Variants in GALNT2 observed in about 807,000 individuals in gnomAD.
GALNT2 encodes polypeptide N-acetylgalactosaminyltransferase 2, also known as UDP-GalNAc:polypeptide N-acetylgalactosaminyltransferase 2.
Under a neutral mutation model 81.4 loss-of-function variants are expected in GALNT2, and 31 were observed. That is an observed-to-expected ratio of 0.38 (90% CI 0.29 to 0.51). The LOEUF is 0.51. GALNT2 is among the 20% of genes least tolerant of loss of function. The probability of loss-of-function intolerance (pLI) is 0.87; values close to 1 mark genes in which losing one functional copy is unlikely to be tolerated. For missense variants in GALNT2, 629 were observed against 765.7 expected (o/e 0.82, Z 2.11); for synonymous variants, 303 against 287.4 (o/e 1.05, Z -0.55).
chr1:230,274,192 A>G (rs1271713333), intron 14 of GALNT2, among the ~76,000 whole-genome samples: 1 of 152,236 alleles, frequency 6.6e-6, no homozygotes, highest in Non-Finnish European at 1.5e-5. Context: ...TATTTTAGTT[A>G]CTGAGGTCCT....
intron 1 of GALNT2, among the ~76,000 whole-genome samples, chr1:230,108,762 A>G (rs1221988439): frequency 6.6e-6 from 1 of 152,228 alleles, no homozygotes; most frequent in Non-Finnish European, 1.5e-5. Context: ...ACTGTAGGGT[A>G]TCAGTTGTTT....
At chr1:230,261,080 T>A (rs1259639450) in intron 11 of GALNT2, among the ~76,000 whole-genome samples, 1 of 130,432 alleles carries the variant, frequency 7.7e-6, no homozygotes, top group East Asian at 2.4e-4. Context: ...ATAAAGTTTC[T>A]CTTTTTTTTT....
At chr1:230,122,381 G>T (rs1448044353) in intron 1 of GALNT2, among the ~76,000 whole-genome samples, 1 of 152,162 alleles carries the variant, frequency 6.6e-6, no homozygotes, top group Admixed American at 6.5e-5. Context: ...AAGCCCTGAG[G>T]CCTCCAAATC....
chr1:230,072,493 C>G (rs1659406257), intron 1 of GALNT2, among the ~76,000 whole-genome samples: 1 of 152,148 alleles, frequency 6.6e-6, no homozygotes, highest in South Asian at 2.1e-4. Context: ...TGTGAAGTCT[C>G]CTGGAGTGCC....
intron 3 of GALNT2, among the ~76,000 whole-genome samples, chr1:230,207,856 T>C (rs1664113372): frequency 6.6e-6 from 1 of 152,210 alleles, no homozygotes; most frequent in Admixed American, 6.5e-5. Flanking sequence ...GCTGAGATAG[T>C]AAGTGTGAGC....
At chr1:230,095,732 C>T (rs1238386922) in intron 1 of GALNT2, among the ~76,000 whole-genome samples, 3 of 152,206 alleles carry the variant, frequency 2.0e-5, no homozygotes, top group Non-Finnish European at 4.4e-5. Flanking sequence ...TGACACTGGG[C>T]GTGGTGCAGG....
intron 1 of GALNT2, among the ~76,000 whole-genome samples, chr1:230,104,709 G>A (rs1027582572): frequency 1.3e-5 from 2 of 152,242 alleles, no homozygotes; most frequent in Non-Finnish European, 1.5e-5. Flanking sequence ...GCAGTGCTGG[G>A]AGGTAGGAGG....
intron 1 of GALNT2, among the ~76,000 whole-genome samples, chr1:230,083,608 T>C (rs1432195949): frequency 2.6e-5 from 4 of 152,202 alleles, no homozygotes; most frequent in African/African-American, 2.4e-5. Flanking sequence ...GCTTGCATTA[T>C]GTTAAAATGT....
intron 1 of GALNT2, among the ~76,000 whole-genome samples, chr1:230,109,144 G>A (rs1361879637): frequency 6.6e-6 from 1 of 152,246 alleles, no homozygotes; most frequent in Non-Finnish European, 1.5e-5. Flanking sequence ...AGCCTCCCCT[G>A]GGCGTTGGAA....
chr1:230,097,267 A>G (rs2057234), intron 1 of GALNT2, among the ~76,000 whole-genome samples: 1 of 151,974 alleles, frequency 6.6e-6, no homozygotes, highest in Non-Finnish European at 1.5e-5. Context: ...TAATTTATCA[A>G]CTTAACCATT....
At chr1:230,072,841 C>T (rs894737149) in intron 1 of GALNT2, among the ~76,000 whole-genome samples, 3 of 152,230 alleles carry the variant, frequency 2.0e-5, no homozygotes, top group Non-Finnish European at 4.4e-5. Context: ...GCCTCTTGGA[C>T]CCACTTCTGT....
intron 3 of GALNT2, among the ~76,000 whole-genome samples, chr1:230,209,688 C>T (rs933987043): frequency 1.1e-4 from 17 of 152,122 alleles, no homozygotes; most frequent in African/African-American, 4.1e-4. Flanking sequence ...CAAGAAAATA[C>T]AAAAATTAGC....
At chr1:230,112,834 C>G (rs905561569) in intron 1 of GALNT2, among the ~76,000 whole-genome samples, 1 of 152,118 alleles carries the variant, frequency 6.6e-6, no homozygotes, top group East Asian at 1.9e-4. Flanking sequence ...CTGGTCCACT[C>G]TTGGGCTGTG....
intron 6 of GALNT2, among the ~76,000 whole-genome samples, chr1:230,238,547 A>G (rs1452296456): frequency 6.6e-6 from 1 of 152,258 alleles, no homozygotes; most frequent in African/African-American, 2.4e-5. Context: ...AGGCCCTTAC[A>G]GCTATTTAAT....
intron 1 of GALNT2, among the ~76,000 whole-genome samples, chr1:230,098,272 C>G (rs1660307103): frequency 6.6e-6 from 1 of 152,096 alleles, no homozygotes; most frequent in Non-Finnish European, 1.5e-5. Context: ...TCTTTTCTCT[C>G]TCTTTTCTCC....
chr1:230,180,709 T>A (rs910393838), intron 2 of GALNT2, among the ~76,000 whole-genome samples: 3 of 152,232 alleles, frequency 2.0e-5, no homozygotes, highest in Admixed American at 6.5e-5. Context: ...TGAGATTAAC[T>A]GACATTTTGA....
At chr1:230,179,296 C>T (rs1264074511) in intron 2 of GALNT2, among the ~76,000 whole-genome samples, 2 of 152,078 alleles carry the variant, frequency 1.3e-5, no homozygotes, top group African/African-American at 4.8e-5. Context: ...CATAAGTTTT[C>T]AGCTCATTTG....
At chr1:230,087,487 A>C (rs1008810867) in intron 1 of GALNT2, among the ~76,000 whole-genome samples, 1 of 152,104 alleles carries the variant, frequency 6.6e-6, no homozygotes, top group Non-Finnish European at 1.5e-5. Flanking sequence ...GCCAGCCCGC[A>C]CTGTTAACCA....
At chr1:230,255,660 G>T (rs1665689953) in intron 11 of GALNT2, among the ~76,000 whole-genome samples, 1 of 152,150 alleles carries the variant, frequency 6.6e-6, no homozygotes, top group South Asian at 2.1e-4. Context: ...AAAGCGGGGA[G>T]TGTGACTGCA....
Sources: allele counts gnomAD v4.1 joint callset (sites outside exome capture counted in the v4.1 genomes callset), GRCh38; gene constraint gnomAD v4.1.1; transcripts MANE v1.5; gene names NCBI Gene and HGNC (gene_info 2026-07-23, HGNC 2026-07-21).